The following RNF38 variants were observed in gnomAD, a reference collection of about 807,000 sequenced individuals.
RNF38 encodes ring finger protein 38, also known as E3 ubiquitin-protein ligase RNF38.
In RNF38, 15 loss-of-function variants were observed where a neutral mutation model predicts 67.2. The observed-to-expected ratio is 0.22, with a 90% CI of 0.15 to 0.34. The LOEUF is 0.34. RNF38 is among the 10% of genes least tolerant of loss of function. The probability of loss-of-function intolerance (pLI) is 1.00; values close to 1 mark genes in which losing one functional copy is unlikely to be tolerated. For synonymous variants in RNF38, 220 were observed against 218.8 expected (o/e 1.01, Z -0.05); for missense variants, 524 against 639.9 (o/e 0.82, Z 1.95).
intron 1 of RNF38, among the ~76,000 whole-genome samples, chr9:36,483,697 A>G (rs183878017): frequency 6.6e-6 from 1 of 152,308 alleles, no homozygotes; most frequent in East Asian, 1.9e-4. Flanking sequence ...AAGCTAAAAC[A>G]ATCACTAGCA....
At chr9:36,458,381 G>A (rs10972916) in intron 1 of RNF38, among the ~76,000 whole-genome samples, 24,766 of 152,142 alleles carry the variant, frequency 0.16, 2,641 homozygotes, top group Non-Finnish European at 0.24. Flanking sequence ...GCAGCAACCC[G>A]CCTGGGTCCC....
intron 2 of RNF38, among the ~76,000 whole-genome samples, chr9:36,412,043 G>A (rs749707889): frequency 7.9e-5 from 12 of 152,152 alleles, no homozygotes; most frequent in Non-Finnish European, 1.5e-4. Flanking sequence ...ACAGAAAGTA[G>A]AAGGGTGGTC....
chr9:36,482,091 T>C (rs1246972359), intron 1 of RNF38, among the ~76,000 whole-genome samples: 1 of 151,214 alleles, frequency 6.6e-6, no homozygotes, highest in Non-Finnish European at 1.5e-5. Flanking sequence ...TTCGCTCTTG[T>C]TGCCCAGGCT....
intron 1 of RNF38, among the ~76,000 whole-genome samples, chr9:36,457,956 A>G (rs1839632595): frequency 6.6e-6 from 1 of 152,256 alleles, no homozygotes; most frequent in African/African-American, 2.4e-5. Context: ...GAAGAGCCCT[A>G]GCTTTTATCA....
Position 36,375,878 on chromosome 9 carries a change from T to C in RNF38, c.356+56A>G, listed in dbSNP as rs183707068. 6.0e-5 allele frequency: 90 copies of C among 1,491,328 alleles called. No individual in the cohort carries two copies. In the African/African-American group the frequency reaches 8.6e-4, roughly 14 times the overall value. The allele number at this position is 1,491,328 out of a possible 1,614,324, so 92.4% of individuals were successfully genotyped here. On this transcript the variant is annotated intron_variant, in intron 3 of 11. Transcript: ENST00000259605. The stretch of plus-strand genomic sequence containing the variant: ...AAAAAATGTTTTCTGATGTTAAATA[T>C]ACTCACAAATCTACCAATGGAAGAA...
chr9:36,470,324 C>T (rs1384408384), intron 1 of RNF38, among the ~76,000 whole-genome samples: 1 of 152,118 alleles, frequency 6.6e-6, no homozygotes, highest in South Asian at 2.1e-4. Context: ...AACCATAAGC[C>T]CCAATCCATA....
chr9:36,354,973 T>G (rs1281543197), intron 6 of RNF38, among the ~76,000 whole-genome samples: 1 of 152,200 alleles, frequency 6.6e-6, no homozygotes, highest in Non-Finnish European at 1.5e-5. Context: ...TTAAAAGAAT[T>G]CCAAATTTAG....
At chr9:36,446,272 C>T (rs1839297853) in intron 1 of RNF38, among the ~76,000 whole-genome samples, 2 of 152,124 alleles carry the variant, frequency 1.3e-5, no homozygotes, top group Non-Finnish European at 2.9e-5. Flanking sequence ...AGTTTCTGTT[C>T]CTGGAGTTTG....
chr9:36,399,197 A>G (rs550337288), intron 1 of RNF38, among the ~76,000 whole-genome samples: 38 of 152,354 alleles, frequency 2.5e-4, no homozygotes, highest in Non-Finnish European at 4.4e-4. Flanking sequence ...CAAGATGGGC[A>G]TATAAAGCCC....
intron 2 of RNF38, among the ~76,000 whole-genome samples, chr9:36,416,734 G>A (rs1198359804): frequency 1.4e-5 from 2 of 138,772 alleles, no homozygotes; most frequent in Non-Finnish European, 3.0e-5. Flanking sequence ...TCTTGCTGCT[G>A]CCTCGATATT....
chr9:36,341,682 G>A (rs1315230583), intron 11 of RNF38, among the ~76,000 whole-genome samples: 1 of 151,820 alleles, frequency 6.6e-6, no homozygotes, highest in Non-Finnish European at 1.5e-5. Flanking sequence ...GACCAGTCTG[G>A]GCAACATAGT....
In RNF38 at chr9:36,390,579, T is replaced by A; in HGVS notation, c.50A>T (p.His17Leu). Reference sequence around the variant, plus strand: ...CCTTTCACAAATCACCTTGTTAGGATGGCCAGGTAGAGATGCTGAATTGGC... The same window carrying A: ...CCTTTCACAAATCACCTTGTTAGGAAGGCCAGGTAGAGATGCTGAATTGGC... ...PGANSASLPG[H>L]PNKVICERVR... Residue 17 changes from histidine to leucine, a missense_variant, in exon 2 of 12, where the codon CAT (histidine) becomes CTT (leucine). Coordinates refer to ENST00000259605, the MANE Select transcript of RNF38 (RefSeq NM_022781.5). 6.2e-7 allele frequency: 1 copy of A among 1,614,122 alleles called. No individual in the cohort carries two copies. The highest frequency in any genetic ancestry group is 8.5e-7 in the Non-Finnish European group (1 of 1,180,006).
At chr9:36,476,845 G>C (rs1840132150) in intron 1 of RNF38, among the ~76,000 whole-genome samples, 1 of 152,104 alleles carries the variant, frequency 6.6e-6, no homozygotes, top group African/African-American at 2.4e-5. Flanking sequence ...TGGCGGGTAA[G>C]AATAAAGGTC....
intron 1 of RNF38, among the ~76,000 whole-genome samples, chr9:36,458,785 A>C (rs999117038): frequency 3.9e-5 from 6 of 152,242 alleles, no homozygotes; most frequent in Non-Finnish European, 8.8e-5. Flanking sequence ...TAAATTCCAG[A>C]CACAGTAATA....
At chr9:36,438,312 C>T (rs944446746) in intron 1 of RNF38, among the ~76,000 whole-genome samples, 1 of 152,072 alleles carries the variant, frequency 6.6e-6, no homozygotes, top group Admixed American at 6.6e-5. Flanking sequence ...TCTAAATAAG[C>T]TTGTCCAACC....
intron 1 of RNF38, among the ~76,000 whole-genome samples, chr9:36,442,811 C>T (rs142589417): frequency 1.1e-3 from 168 of 152,322 alleles, no homozygotes; most frequent in Middle Eastern, 3.4e-3. Flanking sequence ...TTGAGCAATT[C>T]GCTCACCCAA....
At chr9:36,470,949 G>A (rs1295075579) in intron 1 of RNF38, among the ~76,000 whole-genome samples, 1 of 152,110 alleles carries the variant, frequency 6.6e-6, no homozygotes, top group Non-Finnish European at 1.5e-5. Context: ...TTCCTCCACT[G>A]AGACTTCTCT....
chr9:36,411,839 G>A (rs1427023787), intron 2 of RNF38, among the ~76,000 whole-genome samples: 2 of 152,024 alleles, frequency 1.3e-5, no homozygotes, highest in East Asian at 1.9e-4. Context: ...AAGGTGCTGG[G>A]AATATAGGCA....
chr9:36,483,864 G>A (rs2134462590), intron 1 of RNF38, among the ~76,000 whole-genome samples: 1 of 152,244 alleles, frequency 6.6e-6, no homozygotes. Context: ...TGTAAAACCT[G>A]ATAAACAACC....
Sources: allele counts gnomAD v4.1 joint callset (sites outside exome capture counted in the v4.1 genomes callset), GRCh38; gene constraint gnomAD v4.1.1; transcripts MANE v1.5; gene names NCBI Gene and HGNC (gene_info 2026-07-23, HGNC 2026-07-21).